The following FOXP2 variants were observed in gnomAD, a reference collection of about 807,000 sequenced individuals.
FOXP2 encodes the protein forkhead box P2, also known as forkhead box protein P2.
A neutral mutation model predicts 115.8 loss-of-function variants in FOXP2; 12 were observed. The ratio of observed to expected loss-of-function variants is 0.10; its 90% CI spans 0.07 to 0.17. The LOEUF (loss-of-function observed/expected upper bound fraction) is 0.17. Among genes scored for constraint, FOXP2 ranks in the 10% least tolerant of loss-of-function variants. FOXP2 has a pLI of 1.00. For synonymous variants in FOXP2, 328 were observed against 297.7 expected, an observed-to-expected ratio of 1.10 and a Z score of -1.05; for missense variants, 629 against 843.5, an observed-to-expected ratio of 0.75 and a Z score of 3.15.
At chr7:114,457,379 C>T (rs1401329395) in intron 2 of FOXP2, among the ~76,000 whole-genome samples, 1 of 151,922 alleles carries the variant, frequency 6.6e-6, no homozygotes, top group Non-Finnish European at 1.5e-5. Flanking sequence ...AAGTTCTCTA[C>T]TTTTTATCCC....
At chr7:114,184,514 G>A (rs148850970) in intron 1 of FOXP2, among the ~76,000 whole-genome samples, 318 of 152,228 alleles carry the variant, frequency 2.1e-3, no homozygotes, top group Non-Finnish European at 3.6e-3. Context: ...GCAATTTTTA[G>A]TCATTATGAT....
chr7:114,196,509 A>G (rs1563001028), intron 1 of FOXP2, among the ~76,000 whole-genome samples: 1 of 152,216 alleles, frequency 6.6e-6, no homozygotes, highest in Non-Finnish European at 1.5e-5. Context: ...AGATGGGTTC[A>G]CATCTTATAA....
At chr7:114,119,932 A>C (rs1791513077) in intron 1 of FOXP2, among the ~76,000 whole-genome samples, 1 of 152,128 alleles carries the variant, frequency 6.6e-6, no homozygotes, top group African/African-American at 2.4e-5. Flanking sequence ...ACTTCTTACA[A>C]GCTCTTGGGT....
At chr7:114,458,976 G>A (rs1052110045) in intron 2 of FOXP2, among the ~76,000 whole-genome samples, 6 of 152,016 alleles carry the variant, frequency 3.9e-5, no homozygotes, top group Non-Finnish European at 5.9e-5. Flanking sequence ...GGCTTCATCC[G>A]GAGGTGGGGC....
intron 1 of FOXP2, among the ~76,000 whole-genome samples, chr7:114,278,025 T>TAAAA (rs1198719493): frequency 1.4e-4 from 11 of 76,234 alleles, no homozygotes; most frequent in East Asian, 4.0e-4. Flanking sequence ...AGACCTTGTC[T>TAAAA]AAAAAAAAAA....
chr7:114,552,904 G>C (rs1362662610), intron 3 of FOXP2, among the ~76,000 whole-genome samples: 1 of 152,014 alleles, frequency 6.6e-6, no homozygotes, highest in Non-Finnish European at 1.5e-5. Flanking sequence ...AAATTATATA[G>C]TAATAAAAAT....
chr7:114,250,909 T>G (rs886523673), intron 1 of FOXP2, among the ~76,000 whole-genome samples: 1 of 152,228 alleles, frequency 6.6e-6, no homozygotes, highest in African/African-American at 2.4e-5. Flanking sequence ...TAGGTTTTCT[T>G]CTAGGGTTTT....
intron 2 of FOXP2, among the ~76,000 whole-genome samples, chr7:114,434,127 C>A (rs546411143): frequency 1.3e-5 from 2 of 151,926 alleles, no homozygotes; most frequent in East Asian, 3.9e-4. Flanking sequence ...TCTCTAGTTT[C>A]TCTTTATTCA....
intron 2 of FOXP2, among the ~76,000 whole-genome samples, chr7:114,313,468 G>A (rs1408660299): frequency 1.9e-5 from 1 of 53,838 alleles, no homozygotes; most frequent in Non-Finnish European, 3.3e-5. Context: ...ATTGTCGGCC[G>A]GGCGCGGTGG....
intron 2 of FOXP2, among the ~76,000 whole-genome samples, chr7:114,397,623 A>C (rs1221056029): frequency 6.6e-6 from 1 of 152,156 alleles, no homozygotes; most frequent in Non-Finnish European, 1.5e-5. Flanking sequence ...GAGAAACAAT[A>C]AGAAAATTAA....
intron 2 of FOXP2, among the ~76,000 whole-genome samples, chr7:114,494,178 G>A (rs757641513): frequency 1.3e-5 from 2 of 152,048 alleles, no homozygotes; most frequent in African/African-American, 2.4e-5. Context: ...TGCCCAAAGT[G>A]ATAAAAAGTA....
chr7:114,682,896 A>C (rs186707092), intron 16 of FOXP2, among the ~76,000 whole-genome samples: 1 of 152,294 alleles, frequency 6.6e-6, no homozygotes, highest in African/African-American at 2.4e-5. Context: ...TTATAGGCAT[A>C]GGTACTGTAA....
intron 1 of FOXP2, among the ~76,000 whole-genome samples, chr7:114,127,335 G>C (rs1047259003): frequency 1.3e-5 from 2 of 152,130 alleles, no homozygotes; most frequent in African/African-American, 4.8e-5. Flanking sequence ...GCAAGTCACA[G>C]GTCCTTGCCA....
At chr7:114,663,095 A>T (rs919588338) in intron 14 of FOXP2, among the ~76,000 whole-genome samples, 18 of 152,078 alleles carry the variant, frequency 1.2e-4, no homozygotes, top group Non-Finnish European at 4.4e-5. Context: ...ATTGCATCAA[A>T]TTGGTAATTG....
chr7:114,401,322 A>C lies in FOXP2; in HGVS notation c.-10-25180A>C, dbSNP rs565847699. 2.0e-5 allele frequency among the ~76,000 whole-genome samples: 3 copies of C among 152,310 alleles called. No individual in the cohort carries two copies. The South Asian group carries it at 6.2e-4, about 32-fold the overall frequency. On this transcript the variant is annotated intron_variant, in intron 2 of 17. Transcript: ENST00000634411. ...AAGAACACCATTAATATTTAGATGCATATCCTTCCAGAAAGTTTGCACTGA... is the reference window on the plus strand; with the variant it reads ...AAGAACACCATTAATATTTAGATGCCTATCCTTCCAGAAAGTTTGCACTGA...
At chr7:114,324,628 A>G (rs1368135549) in intron 2 of FOXP2, among the ~76,000 whole-genome samples, 2 of 151,806 alleles carry the variant, frequency 1.3e-5, no homozygotes, top group Non-Finnish European at 3.0e-5. Flanking sequence ...AATTATTCCT[A>G]ATAATTGGCG....
intron 16 of FOXP2, among the ~76,000 whole-genome samples, chr7:114,681,792 G>A (rs1200373998): frequency 6.6e-6 from 1 of 152,038 alleles, no homozygotes; most frequent in Non-Finnish European, 1.5e-5. Flanking sequence ...AATGTGACTA[G>A]TCATTAATAA....
chr7:114,597,004 AT>A (rs1261631182), intron 3 of FOXP2, among the ~76,000 whole-genome samples: 1 of 152,116 alleles, frequency 6.6e-6, no homozygotes, highest in African/African-American at 2.4e-5. Context: ...TTAATCAAAA[AT>A]AATTCAGAAT....
chr7:114,198,182 A>C (rs1054624081), intron 1 of FOXP2, among the ~76,000 whole-genome samples: 1 of 152,060 alleles, frequency 6.6e-6, no homozygotes, highest in South Asian at 2.1e-4. Context: ...GTTGTTATTC[A>C]TGTCAGCTGC....
Sources: gnomAD v4.1 joint callset for allele counts (sites outside exome capture counted in the v4.1 genomes callset) on GRCh38, gnomAD v4.1.1 for gene constraint, MANE v1.5 for transcripts, NCBI Gene and HGNC (gene_info 2026-07-23, HGNC 2026-07-21) for gene names.